GAB4: variants seen among roughly 807,000 people sequenced by gnomAD.
GAB4 encodes the protein GRB2 associated binding protein family member 4.
A neutral mutation model predicts 51.3 loss-of-function variants in GAB4; 26 were observed. The observed-to-expected ratio is 0.51, with a 90% CI of 0.37 to 0.70. The LOEUF (loss-of-function observed/expected upper bound fraction) is 0.70. Among genes scored for constraint, GAB4 ranks in the 30% least tolerant of loss-of-function variants. The pLI, the probability that GAB4 is intolerant of heterozygous loss-of-function variation, is 0.00. For missense variants in GAB4, 759 were observed against 734.6 expected, an observed-to-expected ratio of 1.03 and a Z score of -0.38; for synonymous variants, 329 against 291.2, an observed-to-expected ratio of 1.13 and a Z score of -1.32.
At chr22:16,997,915 TTTC>T (rs1374024405) in intron 1 of GAB4, among the ~76,000 whole-genome samples, 1 of 152,232 alleles carries the variant, frequency 6.6e-6, no homozygotes, top group Non-Finnish European at 1.5e-5. Context: ...CCTTTCCCCA[TTTC>T]TTGTTTTTCT....
intron 3 of GAB4, among the ~76,000 whole-genome samples, chr22:16,971,542 T>C (rs947154511): frequency 2.0e-5 from 3 of 152,234 alleles, no homozygotes; most frequent in East Asian, 1.9e-4. Flanking sequence ...TAGGATTTAA[T>C]GTGGGGAAAA....
At chr22:16,993,828 A>G (rs1268014118) in intron 1 of GAB4, among the ~76,000 whole-genome samples, 1 of 152,210 alleles carries the variant, frequency 6.6e-6, no homozygotes, top group Non-Finnish European at 1.5e-5. Flanking sequence ...ATTCCATGAG[A>G]AAATATAAGC....
chr22:16,973,861 C>T (rs2060754713), intron 3 of GAB4, among the ~76,000 whole-genome samples: 1 of 152,218 alleles, frequency 6.6e-6, no homozygotes. Context: ...GTGTTGGTTT[C>T]TGGGTCTGTG....
intron 5 of GAB4, chr22:16,966,636 GAGTTTTC>G (rs1301565574): frequency 1.3e-5 from 6 of 452,962 alleles, no homozygotes; most frequent in Non-Finnish European, 2.4e-5. Flanking sequence ...AAAAGTGGAA[GAGTTTTC>G]AGTTCTTACA....
intron 3 of GAB4, among the ~76,000 whole-genome samples, chr22:16,976,345 A>G (rs1192919350): frequency 6.6e-6 from 1 of 152,208 alleles, no homozygotes; most frequent in Non-Finnish European, 1.5e-5. Context: ...GGAGCTGAAA[A>G]ACACAGCATG....
intron 4 of GAB4, 109 bp from the exon 5 acceptor site, chr22:16,968,492 G>A (rs917798517): frequency 4.0e-5 from 31 of 765,634 alleles, no homozygotes; most frequent in African/African-American, 1.2e-4. Flanking sequence ...TAGAGGACAC[G>A]ACTCTCAACC....
chr22:16,986,960 G>A lies in GAB4; in HGVS notation c.686+1000C>T, dbSNP rs557621779. On this transcript the variant is annotated intron_variant, in intron 3 of 9. Coordinates refer to ENST00000400588, the MANE Select transcript of GAB4 (RefSeq NM_001037814.1). ...GGCAAAGAGTTCAGGACAGATGTGAGGACACCTGGGTTCTAGTCCCGCCTC... is the reference window on the plus strand; with the variant it reads ...GGCAAAGAGTTCAGGACAGATGTGAAGACACCTGGGTTCTAGTCCCGCCTC... Among the ~76,000 whole-genome samples the A allele has an allele frequency of 2.0e-5, 3 of 152,338 alleles. No homozygotes were observed. The South Asian group carries it at 6.2e-4, about 32-fold the overall frequency.
intron 1 of GAB4, among the ~76,000 whole-genome samples, chr22:17,006,628 T>C (rs1407499800): frequency 6.6e-6 from 1 of 152,120 alleles, no homozygotes; most frequent in Non-Finnish European, 1.5e-5. Context: ...AATAATAGAC[T>C]GGATAAAGAA....
intron 6 of GAB4, among the ~76,000 whole-genome samples, chr22:16,965,488 G>C (rs894379878): frequency 1.3e-5 from 2 of 152,162 alleles, no homozygotes; most frequent in South Asian, 4.1e-4. Context: ...TCCTCCCACT[G>C]TATCTATAGC....
intron 3 of GAB4, among the ~76,000 whole-genome samples, chr22:16,987,592 G>A (rs986756840): frequency 6.6e-6 from 1 of 152,210 alleles, no homozygotes; most frequent in Non-Finnish European, 1.5e-5. Context: ...TATGGATCTG[G>A]TCATCAATCT....
intron 3 of GAB4, among the ~76,000 whole-genome samples, chr22:16,984,547 A>G (rs1445893615): frequency 6.6e-6 from 1 of 152,206 alleles, no homozygotes; most frequent in Admixed American, 6.5e-5. Flanking sequence ...AGAAAATGTG[A>G]ATTACATCCT....
intron 2 of GAB4, among the ~76,000 whole-genome samples, chr22:16,988,674 G>T (rs1201463932): frequency 6.6e-6 from 1 of 152,184 alleles, no homozygotes; most frequent in Non-Finnish European, 1.5e-5. Flanking sequence ...ATCATGGACA[G>T]GTAGTACTTT....
intron 3 of GAB4, among the ~76,000 whole-genome samples, chr22:16,971,353 G>A (rs563189008): frequency 5.9e-5 from 9 of 152,280 alleles, no homozygotes; most frequent in South Asian, 2.1e-4. Flanking sequence ...ACGACCCAGC[G>A]TCACAGTGAT....
rs757242657 is a variant in GAB4, at chr22:17,008,037, G to A, written c.78C>T (p.Pro26=). The A allele has an allele frequency of 1.2e-6, 2 of 1,608,054 alleles. No individual in the cohort carries two copies. Among genetic ancestry groups the A allele is most frequent in the East Asian group, 2.2e-5 (1 of 44,692 alleles). The change falls in exon 1 of 10, where the codon CCC becomes CCT. Residue 26 remains proline, a synonymous_variant. Coordinates refer to ENST00000400588, the MANE Select transcript of GAB4 (RefSeq NM_001037814.1). ...TGCTTCCGCCGGCGGGGCCACTTCC[G>A]GGCCACGAAGACAAAGGCGCAAATG... ...DPAFAPLSSW[P]GSGPAGGSTR... is the part of the protein sequence containing the mutation.
At chr22:16,968,200 G>A in intron 5 of GAB4, 98 bp downstream of exon 5, 1 of 855,978 alleles carries the variant, frequency 1.2e-6, no homozygotes, top group Non-Finnish European at 2.0e-6. Flanking sequence ...CTAGGAGGGA[G>A]ATGCTGTCAC....
chr22:16,987,996 G>T lies in GAB4; in HGVS notation c.650C>A (p.Ser217Ter), dbSNP rs61743894. The T allele has an allele frequency of 1.9e-6, 3 of 1,609,116 alleles. No individual in the cohort carries two copies. Among genetic ancestry groups the T allele is most frequent in the South Asian group, 2.2e-5 (2 of 90,118 alleles). ...TGCTCTCTGGCTGGCGTGCTGGTGC[G>T]AGCGGAGACACCCCGGAGGTGCAGG... ...PIPAPPGCLR[S>*]HQHASQRAEH... The change falls in exon 3 of 10, where the codon TCG becomes TAG. Residue 217 changes from serine to a stop codon, truncating the protein, a stop_gained. Transcript: ENST00000400588. LOFTEE classifies it high-confidence loss of function.
chr22:16,964,874 A>G lies in GAB4; in HGVS notation c.1380-12T>C. The G allele has an allele frequency of 6.2e-7, 1 of 1,608,040 alleles. No homozygotes were observed. The highest frequency in any genetic ancestry group is 8.5e-7 in the Non-Finnish European group (1 of 1,174,726). Reference sequence around the variant, plus strand: ...AGTCAAAGGTGTGGCTGTCATGGGAAGAAGGCAAGGAGTACATCCTGGGTG... The same window carrying G: ...AGTCAAAGGTGTGGCTGTCATGGGAGGAAGGCAAGGAGTACATCCTGGGTG... On this transcript the variant is annotated splice_polypyrimidine_tract_variant and intron_variant, in intron 7 of 9. Coordinates refer to ENST00000400588, the MANE Select transcript of GAB4 (RefSeq NM_001037814.1).
intron 9 of GAB4, 44 bp downstream of exon 9, chr22:16,963,681 C>A (rs1262589341): frequency 2.1e-6 from 3 of 1,444,572 alleles, no homozygotes; most frequent in Non-Finnish European, 2.9e-6. Context: ...GTCTCTCCCC[C>A]AGGGCCCAAG....
rs1268395235 is a variant in GAB4, at chr22:16,987,950, AG to A, written c.686+9del. The A allele has an allele frequency of 1.9e-6, 3 of 1,586,322 alleles. No homozygotes were observed. The highest frequency in any genetic ancestry group is 2.6e-6 in the Non-Finnish European group (3 of 1,167,154). ...GGTCACTGCCCCCACTGGCCATAGT[AG>A]CCCCCTACCTTGCATGTTCTGCTCT... On this transcript the variant is annotated intron_variant, in intron 3 of 9. Transcript: ENST00000400588.
Sources: allele counts gnomAD v4.1 joint callset (sites outside exome capture counted in the v4.1 genomes callset), GRCh38; gene constraint gnomAD v4.1.1; transcripts MANE v1.5; gene names NCBI Gene and HGNC (gene_info 2026-07-23, HGNC 2026-07-21).